Variants in CACNA2D1 observed in about 807,000 individuals in gnomAD.
The protein encoded by CACNA2D1 is voltage-dependent calcium channel subunit alpha-2/delta-1.
In CACNA2D1, 53 loss-of-function variants were observed where a neutral mutation model predicts 171.5. That is an observed-to-expected ratio of 0.31 (90% CI 0.25 to 0.39). CACNA2D1 has a LOEUF of 0.39. Ranked by LOEUF, CACNA2D1 falls within the 10% of genes least tolerant of loss-of-function variation. The pLI is 1.00. For synonymous variants in CACNA2D1, 442 were observed against 443.1 expected, an observed-to-expected ratio of 1.00 and a Z score of 0.03; for missense variants, 903 against 1,299.8, an observed-to-expected ratio of 0.69 and a Z score of 4.69.
chr7:82,234,935 T>A (rs1363761575), intron 3 of CACNA2D1, among the ~76,000 whole-genome samples: 1 of 152,152 alleles, frequency 6.6e-6, no homozygotes, highest in African/African-American at 2.4e-5. Flanking sequence ...AGTATGATCG[T>A]TTGTGAGAAT....
At chr7:82,134,795 T>C (rs967224443) in intron 5 of CACNA2D1, among the ~76,000 whole-genome samples, 2 of 152,134 alleles carry the variant, frequency 1.3e-5, no homozygotes, top group Non-Finnish European at 2.9e-5. Context: ...TGAACATTAG[T>C]GAAGGCAAAC....
At chr7:82,300,929 GATT>G (rs1812922053) in intron 3 of CACNA2D1, among the ~76,000 whole-genome samples, 6 of 152,124 alleles carry the variant, frequency 3.9e-5, no homozygotes, top group African/African-American at 1.4e-4. Context: ...TGGTGTTAGT[GATT>G]ATAATGAAGC....
chr7:82,222,258 C>T (rs1003321361), intron 3 of CACNA2D1, among the ~76,000 whole-genome samples: 2 of 152,174 alleles, frequency 1.3e-5, no homozygotes, highest in African/African-American at 4.8e-5. Context: ...AGAAATGAGA[C>T]TTCTGAGAAG....
chr7:82,193,675 A>C (rs1449194727), intron 3 of CACNA2D1, among the ~76,000 whole-genome samples: 4 of 152,016 alleles, frequency 2.6e-5, no homozygotes, highest in African/African-American at 2.4e-5. Context: ...AATGTTTCGC[A>C]GGTTTGCTGA....
rs767123202 is a variant in CACNA2D1, at chr7:82,005,398, C to G, written c.1590+25G>C. ...ATCATTAATTCTACAAAACACTAATCACTGTAAACAAATTATATACTGACC... is the reference window on the plus strand; with the variant it reads ...ATCATTAATTCTACAAAACACTAATGACTGTAAACAAATTATATACTGACC... On this transcript the variant is annotated intron_variant, in intron 18 of 38. Transcript: ENST00000356860. 5.2e-6 allele frequency: 7 copies of G among 1,345,742 alleles called. No individual in the cohort carries two copies. In the African/African-American group the frequency reaches 1.0e-4, roughly 19 times the overall value. 83.4% of individuals were successfully genotyped at this position (1,345,742 alleles called of 1,614,324 possible). A position where few individuals can be genotyped will look rare whatever the true frequency, so the allele number is the denominator to read the frequency against.
At chr7:82,154,127 CATA>C (rs1794121925) in intron 4 of CACNA2D1, among the ~76,000 whole-genome samples, 1 of 152,142 alleles carries the variant, frequency 6.6e-6, no homozygotes. Context: ...CCGTGAAAAA[CATA>C]ATGTGTGTAG....
At chr7:82,110,665 C>G (rs1033966809) in intron 6 of CACNA2D1, among the ~76,000 whole-genome samples, 1 of 152,126 alleles carries the variant, frequency 6.6e-6, no homozygotes, top group Non-Finnish European at 1.5e-5. Flanking sequence ...TATGAGCCCA[C>G]CATGCTCCTG....
In CACNA2D1 at chr7:82,431,965, G is replaced by A. The variant is rs111404509; in HGVS notation, c.95+11400C>T. On this transcript the variant is annotated intron_variant, in intron 1 of 38. Transcript: ENST00000356860. ...AGGCAGGAGAATCACTTGAACCCAG[G>A]AGGTGGAGGTTGCAGTGAGCCGAGA... 8.7e-3 allele frequency among the ~76,000 whole-genome samples: 1,290 copies of A among 148,938 alleles called. 20 individuals are homozygous for A. The highest frequency in any genetic ancestry group is 0.031 in the Middle Eastern group (9 of 286).
intron 3 of CACNA2D1, among the ~76,000 whole-genome samples, chr7:82,220,481 G>C (rs746501556): frequency 5.3e-5 from 8 of 152,050 alleles, no homozygotes; most frequent in African/African-American, 1.9e-4. Flanking sequence ...AAAAATTACT[G>C]AGGACCCAAA....
At chr7:82,034,474 T>C (rs1250760920) in intron 11 of CACNA2D1, among the ~76,000 whole-genome samples, 1 of 152,066 alleles carries the variant, frequency 6.6e-6, no homozygotes, top group Non-Finnish European at 1.5e-5. Flanking sequence ...TAATCAAACA[T>C]TGTGAAAGCA....
intron 6 of CACNA2D1, among the ~76,000 whole-genome samples, chr7:82,115,308 T>C (rs1788913675): frequency 6.6e-6 from 1 of 152,104 alleles, no homozygotes; most frequent in Non-Finnish European, 1.5e-5. Context: ...AACATAACCA[T>C]ATAGCTTAGC....
intron 38 of CACNA2D1, among the ~76,000 whole-genome samples, chr7:81,956,718 C>G (rs1793402649): frequency 6.6e-6 from 1 of 152,072 alleles, no homozygotes; most frequent in Non-Finnish European, 1.5e-5. Context: ...ATAGTAATGG[C>G]CACATCTCCA....
chr7:82,083,990 T>G (rs2129010400), intron 7 of CACNA2D1, among the ~76,000 whole-genome samples: 1 of 152,290 alleles, frequency 6.6e-6, no homozygotes, highest in East Asian at 1.9e-4. Context: ...ACGTATCCCA[T>G]AACTCAGATC....
At chr7:82,057,015 A>G (rs1300040580) in intron 10 of CACNA2D1, among the ~76,000 whole-genome samples, 2 of 152,188 alleles carry the variant, frequency 1.3e-5, no homozygotes, top group Non-Finnish European at 2.9e-5. Flanking sequence ...CTCTAAAGGT[A>G]CAACTAAGGC....
intron 3 of CACNA2D1, among the ~76,000 whole-genome samples, chr7:82,185,110 A>G (rs1177120106): frequency 4.6e-5 from 7 of 152,164 alleles, no homozygotes; most frequent in Non-Finnish European, 1.5e-5. Flanking sequence ...GTAGGAGACA[A>G]ACTATGAATA....
At chr7:82,056,399 T>C (rs1404331152) in intron 10 of CACNA2D1, among the ~76,000 whole-genome samples, 1 of 152,126 alleles carries the variant, frequency 6.6e-6, no homozygotes. Flanking sequence ...GTCTTTGTTT[T>C]GCATCAATGT....
intron 3 of CACNA2D1, among the ~76,000 whole-genome samples, chr7:82,201,513 T>A (rs764935713): frequency 6.6e-6 from 1 of 152,126 alleles, no homozygotes; most frequent in Admixed American, 6.5e-5. Flanking sequence ...CGACACTAAG[T>A]GTTGGACAAT....
chr7:82,250,981 TTATC>T (rs1269452581), intron 3 of CACNA2D1, among the ~76,000 whole-genome samples: 1 of 152,192 alleles, frequency 6.6e-6, no homozygotes, highest in African/African-American at 2.4e-5. Context: ...TTGTACATAT[TTATC>T]TATTTATTTG....
chr7:81,987,325 T>G (rs1443604907), intron 21 of CACNA2D1, among the ~76,000 whole-genome samples: 1 of 152,292 alleles, frequency 6.6e-6, no homozygotes, highest in South Asian at 2.1e-4. Flanking sequence ...AGACCAAGAC[T>G]GCTTTATTTC....
Sources: gnomAD v4.1 joint callset for allele counts (sites outside exome capture counted in the v4.1 genomes callset) on GRCh38, gnomAD v4.1.1 for gene constraint, MANE v1.5 for transcripts, NCBI Gene and HGNC (gene_info 2026-07-23, HGNC 2026-07-21) for gene names.